Variants in FAM20B observed in about 807,000 individuals in gnomAD.
FAM20B encodes the protein FAM20B glycosaminoglycan xylosylkinase, also known as glycosaminoglycan xylosylkinase.
FAM20B carries 23 observed loss-of-function variants against 43.8 expected under a neutral mutation model. The observed-to-expected ratio is 0.53, with a 90% confidence interval of 0.38 to 0.74. The LOEUF (loss-of-function observed/expected upper bound fraction) is 0.74. FAM20B is among the 30% of genes least tolerant of loss of function. The probability of loss-of-function intolerance (pLI) is 0.00; values close to 1 mark genes in which losing one functional copy is unlikely to be tolerated. For synonymous variants in FAM20B, 178 were observed against 192.4 expected (o/e 0.93, Z 0.62); for missense variants, 440 against 510.5 (o/e 0.86, Z 1.33).
At chr1:179,041,349 A>G (rs1236917362) in intron 1 of FAM20B, among the ~76,000 whole-genome samples, 2 of 152,062 alleles carry the variant, frequency 1.3e-5, no homozygotes, top group Non-Finnish European at 2.9e-5. Context: ...ACGCCACTGC[A>G]CTCCAGCCTG....
intron 1 of FAM20B, among the ~76,000 whole-genome samples, chr1:179,028,980 T>C (rs1453148278): frequency 1.3e-5 from 2 of 152,252 alleles, no homozygotes; most frequent in African/African-American, 4.8e-5. Flanking sequence ...TCTGTGATTA[T>C]ATGGTGTTCT....
chr1:179,038,312 G>A (rs1650336538), intron 1 of FAM20B, among the ~76,000 whole-genome samples: 1 of 151,796 alleles, frequency 6.6e-6, no homozygotes, highest in African/African-American at 2.4e-5. Context: ...TTGGGAGGCT[G>A]AGGCAGGAGA....
chr1:179,022,249 T>C (rs767538258), upstream of FAM20B, among the ~76,000 whole-genome samples: 1 of 152,210 alleles, frequency 6.6e-6, no homozygotes, highest in Non-Finnish European at 1.5e-5. Context: ...GCAGGGCACA[T>C]GCTCCTGGAA....
intron 3 of FAM20B, among the ~76,000 whole-genome samples, chr1:179,053,496 C>T (rs1353115695): frequency 2.0e-5 from 3 of 152,064 alleles, no homozygotes; most frequent in Non-Finnish European, 2.9e-5. Flanking sequence ...CCCTTCCCAA[C>T]CTTTTCCATT....
At chr1:179,027,246 T>G (rs1196657775) in intron 1 of FAM20B, among the ~76,000 whole-genome samples, 1 of 152,246 alleles carries the variant, frequency 6.6e-6, no homozygotes, top group African/African-American at 2.4e-5. Context: ...TTTTTTGCGT[T>G]GTAAATTCTT....
intron 7 of FAM20B, among the ~76,000 whole-genome samples, chr1:179,069,924 T>C (rs1446498894): frequency 6.6e-6 from 1 of 152,246 alleles, no homozygotes; most frequent in African/African-American, 2.4e-5. Flanking sequence ...ATTCCTCCTT[T>C]ACCCACAGAG....
At chr1:179,060,101 A>AT (rs56776844) in intron 4 of FAM20B, among the ~76,000 whole-genome samples, 99,155 of 151,314 alleles carry the variant, frequency 0.66, 33,316 homozygotes, top group African/African-American at 0.81. Flanking sequence ...ATATATATAT[A>AT]TTTTTTTATT....
At chr1:179,035,309 A>G (rs1475139055) in intron 1 of FAM20B, 48 of 659,058 alleles carry the variant, frequency 7.3e-5, no homozygotes, top group Non-Finnish European at 5.4e-5. Flanking sequence ...TCAGCTCCTT[A>G]CACGGGCTTT....
upstream of FAM20B, among the ~76,000 whole-genome samples, chr1:179,022,824 G>C (rs995451159): frequency 6.6e-6 from 1 of 152,116 alleles, no homozygotes; most frequent in Non-Finnish European, 1.5e-5. Flanking sequence ...ACACCCCACC[G>C]CAAGACAGTT....
At chr1:179,045,695 G>A (rs1180164208) in intron 2 of FAM20B, among the ~76,000 whole-genome samples, 2 of 151,994 alleles carry the variant, frequency 1.3e-5, no homozygotes, top group Non-Finnish European at 2.9e-5. Context: ...ACTTGAGCCT[G>A]GGTGATGTAG....
At chr1:179,064,951 T>C (rs1251575059) in intron 6 of FAM20B, among the ~76,000 whole-genome samples, 2 of 152,210 alleles carry the variant, frequency 1.3e-5, no homozygotes, top group Admixed American at 6.5e-5. Context: ...ATACTTTTGC[T>C]GTCATGGGAA....
chr1:179,041,915 T>A (rs1650568210), intron 1 of FAM20B, among the ~76,000 whole-genome samples: 1 of 152,230 alleles, frequency 6.6e-6, no homozygotes. Flanking sequence ...CTTGCTCTTT[T>A]GTTTTTGTTG....
At chr1:179,029,082 T>G (rs538409811) in intron 1 of FAM20B, among the ~76,000 whole-genome samples, 2 of 152,384 alleles carry the variant, frequency 1.3e-5, no homozygotes, top group East Asian at 3.9e-4. Flanking sequence ...GCTAGGCTAA[T>G]TGGGCAGTTG....
chr1:179,041,794 G>C (rs1342123716), intron 1 of FAM20B, among the ~76,000 whole-genome samples: 1 of 152,074 alleles, frequency 6.6e-6, no homozygotes, highest in African/African-American at 2.4e-5. Context: ...GGCATTTTTA[G>C]GAATTGTTGT....
intron 2 of FAM20B, among the ~76,000 whole-genome samples, chr1:179,045,664 G>T (rs1650734976): frequency 6.6e-6 from 1 of 152,142 alleles, no homozygotes; most frequent in African/African-American, 2.4e-5. Flanking sequence ...CAGCACTTGG[G>T]GAGGCCGAGG....
At chr1:179,035,464 A>G in intron 1 of FAM20B, 2 of 705,352 alleles carry the variant, frequency 2.8e-6, no homozygotes, top group East Asian at 2.7e-5. Context: ...CAGCTTGGGA[A>G]GCACATAGGC....
chr1:179,033,739 C>A (rs573445046), intron 1 of FAM20B, among the ~76,000 whole-genome samples: 1 of 152,246 alleles, frequency 6.6e-6, no homozygotes, highest in South Asian at 2.1e-4. Flanking sequence ...TGTCACCAGG[C>A]TGGAGTGTAG....
intron 4 of FAM20B, among the ~76,000 whole-genome samples, chr1:179,057,837 G>A (rs373321385): frequency 6.6e-6 from 1 of 151,260 alleles, no homozygotes; most frequent in African/African-American, 2.4e-5. Context: ...TGGGGTGGGG[G>A]TGGGAATAGG....
At chr1:179,029,862 A>C (rs1482591362) in intron 1 of FAM20B, among the ~76,000 whole-genome samples, 1 of 152,082 alleles carries the variant, frequency 6.6e-6, no homozygotes, top group African/African-American at 2.4e-5. Flanking sequence ...TTTGTGGAAA[A>C]ATTTTTACAA....
Sources: gnomAD v4.1 joint callset for allele counts (sites outside exome capture counted in the v4.1 genomes callset) on GRCh38, gnomAD v4.1.1 for gene constraint, MANE v1.5 for transcripts, NCBI Gene and HGNC (gene_info 2026-07-23, HGNC 2026-07-21) for gene names.